Variants in DGLUCY observed in about 807,000 individuals in gnomAD.
DGLUCY encodes the protein D-glutamate cyclase, mitochondrial.
Under a neutral mutation model 58.5 loss-of-function variants are expected in DGLUCY, and 58 were observed. The ratio of observed to expected loss-of-function variants is 0.99; its 90% CI spans 0.80 to 1.23. The LOEUF (loss-of-function observed/expected upper bound fraction) is 1.23. Ranked by LOEUF, DGLUCY falls within the 50% of genes most tolerant of loss-of-function variation. The pLI is 0.00. For synonymous variants in DGLUCY, 325 were observed against 314.1 expected, an observed-to-expected ratio of 1.03 and a Z score of -0.37; for missense variants, 779 against 784.7, an observed-to-expected ratio of 0.99 and a Z score of 0.09.
At position 91,168,887 on chromosome 14, in the gene DGLUCY, G is replaced by T. The variant is rs372832600; in HGVS notation, c.258-1116G>T. ...AGATCACCTGAGATCAGGAATTCGAGACCAGCCTGGCCAACGCGGTGAAAC... is the reference window on the plus strand; with the variant it reads ...AGATCACCTGAGATCAGGAATTCGATACCAGCCTGGCCAACGCGGTGAAAC... On this transcript the variant is annotated intron_variant, in intron 4 of 13. Transcript: ENST00000256324. Among the ~76,000 whole-genome samples the T allele has an allele frequency of 9.2e-5, 14 of 152,276 alleles. No homozygotes were observed. In the East Asian group the frequency reaches 2.7e-3, roughly 29 times the overall value.
chr14:91,074,311 A>AT (rs2043982222), intron 1 of DGLUCY, among the ~76,000 whole-genome samples: 100 of 122,088 alleles, frequency 8.2e-4, no homozygotes, highest in South Asian at 1.8e-3. Flanking sequence ...AAAAAAAAAA[A>AT]AATATATATA....
At chr14:91,066,770 A>G (rs1483564345) in intron 1 of DGLUCY, among the ~76,000 whole-genome samples, 4 of 152,168 alleles carry the variant, frequency 2.6e-5, no homozygotes, top group African/African-American at 7.2e-5. Flanking sequence ...TCTGAGGTCT[A>G]TACTTTCCTT....
chr14:91,145,883 C>CT (rs1207001219), intron 1 of DGLUCY, among the ~76,000 whole-genome samples: 1 of 151,996 alleles, frequency 6.6e-6, no homozygotes, highest in Non-Finnish European at 1.5e-5. Context: ...CTTTAATTTT[C>CT]TTTTTTATTT....
intron 12 of DGLUCY, among the ~76,000 whole-genome samples, chr14:91,210,620 CAT>C (rs1567011301): frequency 6.6e-6 from 1 of 152,138 alleles, no homozygotes; most frequent in Non-Finnish European, 1.5e-5. Flanking sequence ...AGAAAAATCA[CAT>C]GTTCATGTCA....
At chr14:91,145,574 CGGGGTTG>C (rs1350692424) in intron 1 of DGLUCY, among the ~76,000 whole-genome samples, 1 of 152,126 alleles carries the variant, frequency 6.6e-6, no homozygotes, top group East Asian at 1.9e-4. Flanking sequence ...AGAACCAAGA[CGGGGTTG>C]ACACCAATGG....
At chr14:91,094,555 C>T (rs1236255774) in intron 1 of DGLUCY, among the ~76,000 whole-genome samples, 1 of 150,076 alleles carries the variant, frequency 6.7e-6, no homozygotes, top group Admixed American at 6.7e-5. Flanking sequence ...TGTCTTCAGG[C>T]CTGGGTCAGG....
At chr14:91,218,815 G>T (rs147932970) in intron 13 of DGLUCY, among the ~76,000 whole-genome samples, 3 of 152,140 alleles carry the variant, frequency 2.0e-5, no homozygotes, top group Non-Finnish European at 2.9e-5. Flanking sequence ...CTGGGTGGGG[G>T]ACTCAGGGTC....
At chr14:91,173,525 CT>C (rs750507437) in intron 6 of DGLUCY, 86 bp downstream of exon 6, 61 of 1,443,738 alleles carry the variant, frequency 4.2e-5, no homozygotes, top group Non-Finnish European at 5.0e-5. Context: ...CATGATCCCC[CT>C]GTTCACATCG....
chr14:91,156,889 A>G (rs1250288693), intron 1 of DGLUCY, among the ~76,000 whole-genome samples: 1 of 152,214 alleles, frequency 6.6e-6, no homozygotes, highest in Non-Finnish European at 1.5e-5. Flanking sequence ...CCCTAAAAGC[A>G]TATGGGCTGA....
chr14:91,223,583 A>G (rs1887812731), intron 13 of DGLUCY: 1 of 1,021,568 alleles, frequency 9.8e-7, no homozygotes, highest in African/African-American at 1.7e-5. Context: ...GGACAGACAC[A>G]TTAGTGGCTT....
intron 1 of DGLUCY, among the ~76,000 whole-genome samples, chr14:91,062,176 A>G (rs1466500682): frequency 2.0e-5 from 3 of 152,200 alleles, no homozygotes; most frequent in African/African-American, 7.2e-5. Context: ...TTTTTTATGG[A>G]CATTGAAATT....
intron 1 of DGLUCY, among the ~76,000 whole-genome samples, chr14:91,127,132 C>T (rs1220115638): frequency 4.1e-5 from 6 of 146,212 alleles, no homozygotes; most frequent in Admixed American, 1.4e-4. Context: ...GTATGGCTCA[C>T]TACAGCCTCA....
chr14:91,155,685 A>C (rs1469096975), intron 1 of DGLUCY, among the ~76,000 whole-genome samples: 2 of 151,830 alleles, frequency 1.3e-5, no homozygotes, highest in Non-Finnish European at 2.9e-5. Flanking sequence ...AGTCCCAGCT[A>C]CTCAGGGGAC....
intron 1 of DGLUCY, among the ~76,000 whole-genome samples, chr14:91,122,295 A>G (rs1270780287): frequency 6.6e-6 from 1 of 151,924 alleles, no homozygotes; most frequent in Non-Finnish European, 1.5e-5. Flanking sequence ...CTGGGAACAC[A>G]GGTACGTGCC....
intron 1 of DGLUCY, among the ~76,000 whole-genome samples, chr14:91,075,579 GGTT>G (rs1341850710): frequency 1.3e-5 from 2 of 152,132 alleles, no homozygotes; most frequent in Admixed American, 6.6e-5. Flanking sequence ...CGTCCTCCAG[GGTT>G]GTTGTTTTAT....
chr14:91,215,576 C>T lies in DGLUCY; in HGVS notation c.1716+20C>T, dbSNP rs747427595. Reference sequence around the variant, plus strand: ...ATTAAGGTAACAAACCCCAGCCAGCCGCTCGCCTGGAAGCAGCTTTTACCC... The same window carrying T: ...ATTAAGGTAACAAACCCCAGCCAGCTGCTCGCCTGGAAGCAGCTTTTACCC... On this transcript the variant is annotated intron_variant, in intron 13 of 13. Coordinates refer to ENST00000256324, the MANE Select transcript of DGLUCY (RefSeq NM_001102368.3). 1.6e-5 allele frequency: 26 copies of T among 1,613,398 alleles called. No homozygotes were observed. The highest frequency in any genetic ancestry group is 1.3e-4 in the East Asian group (6 of 44,872).
At chr14:91,143,786 G>C (rs1482064583) in intron 1 of DGLUCY, among the ~76,000 whole-genome samples, 2 of 152,186 alleles carry the variant, frequency 1.3e-5, no homozygotes, top group Admixed American at 6.5e-5. Flanking sequence ...ATTGTGCTGG[G>C]TATTTGACTA....
Position 91,215,461 on chromosome 14 carries a change from T to C in DGLUCY, c.1621T>C (p.Cys541Arg). Residue 541 changes from cysteine (C) to arginine (R), a missense_variant, in exon 13 of 14, where the codon TGT (cysteine) becomes CGT (arginine). Physicochemically the swap from Cys to Arg is radical, Grantham distance 180. Coordinates refer to ENST00000256324, the MANE Select transcript of DGLUCY (RefSeq NM_001102368.3). Reference protein sequence around the residue: ...LACALYILYSCAVHSQYLRKA... With the variant: ...LACALYILYSRAVHSQYLRKA... ...CTGCGCACTCTACATCCTGTACTCA[T>C]GTGCTGTCCACAGTCAGTACCTGAG... The C allele has an allele frequency of 6.2e-7, 1 of 1,614,236 alleles. No individual in the cohort carries two copies. Among genetic ancestry groups the C allele is most frequent in the Non-Finnish European group, 8.5e-7 (1 of 1,180,040 alleles).
intron 1 of DGLUCY, among the ~76,000 whole-genome samples, chr14:91,141,945 A>G (rs2046715184): frequency 6.6e-6 from 1 of 151,696 alleles, no homozygotes; most frequent in African/African-American, 2.4e-5. Flanking sequence ...TCCCAGGTTC[A>G]AGCGATTCTC....
Sources: gnomAD v4.1 joint callset for allele counts (sites outside exome capture counted in the v4.1 genomes callset) on GRCh38, gnomAD v4.1.1 for gene constraint, MANE v1.5 for transcripts, NCBI Gene and HGNC (gene_info 2026-07-23, HGNC 2026-07-21) for gene names.